Variants in SSH2 observed in about 807,000 individuals in gnomAD.
SSH2 encodes the protein protein phosphatase Slingshot homolog 2.
Under a neutral mutation model 135.2 loss-of-function variants are expected in SSH2, and 37 were observed. That is an observed-to-expected ratio of 0.27 (90% CI 0.21 to 0.36). The LOEUF (loss-of-function observed/expected upper bound fraction) is 0.36, where lower values mean the gene tolerates loss of function less well. Ranked by LOEUF, SSH2 falls within the 10% of genes least tolerant of loss-of-function variation. The pLI is 1.00. For synonymous variants in SSH2, 628 were observed against 646.2 expected (o/e 0.97, Z 0.43); for missense variants, 1,408 against 1,765.3 (o/e 0.80, Z 3.63).
chr17:29,836,251 C>T (rs947799275), intron 2 of SSH2, among the ~76,000 whole-genome samples: 6 of 152,094 alleles, frequency 3.9e-5, no homozygotes, highest in African/African-American at 1.4e-4. Context: ...TATATCACCA[C>T]GTTAGAGAGG....
chr17:29,725,842 C>A (rs887551496), intron 3 of SSH2, among the ~76,000 whole-genome samples: 26 of 152,068 alleles, frequency 1.7e-4, no homozygotes, highest in African/African-American at 5.8e-4. Flanking sequence ...GTGCAGCAAA[C>A]CACCATGGCA....
chr17:29,761,558 A>C (rs1258588180), intron 3 of SSH2: 1 of 434,198 alleles, frequency 2.3e-6, no homozygotes, highest in Non-Finnish European at 3.1e-6. Flanking sequence ...CGGATCCCGC[A>C]GCGCGCGTCA....
intron 3 of SSH2, among the ~76,000 whole-genome samples, chr17:29,725,215 T>C (rs1307113116): frequency 6.6e-6 from 1 of 151,264 alleles, no homozygotes; most frequent in Non-Finnish European, 1.5e-5. Flanking sequence ...GGCATGGTGG[T>C]GCGTGCCTGT....
rs577746741 is a variant in SSH2 at position 29,744,908 on chromosome 17, T to C, written c.189-41846A>G. Among the ~76,000 whole-genome samples the C allele has an allele frequency of 2.5e-4, 37 of 150,892 alleles. No homozygotes were observed. The East Asian group carries it at 6.9e-3, about 28-fold the overall frequency. ...GTGTGTGTGTGTGTGTGTGTTTAAA[T>C]AAACAAACCATAAAGCCACTAGCAG... is the stretch of plus-strand genomic sequence containing the variant. On this transcript the variant is annotated intron_variant, in intron 3 of 15. Coordinates refer to ENST00000540801, the MANE Select transcript of SSH2 (RefSeq NM_001282129.2).
chr17:29,670,153 A>G (rs965184691), intron 9 of SSH2, among the ~76,000 whole-genome samples: 3 of 152,064 alleles, frequency 2.0e-5, no homozygotes, highest in Admixed American at 1.3e-4. Flanking sequence ...AAGTGCTGAG[A>G]TTACAGGCAT....
At chr17:29,742,120 G>A (rs868304561) in intron 3 of SSH2, among the ~76,000 whole-genome samples, 17 of 151,324 alleles carry the variant, frequency 1.1e-4, no homozygotes, top group South Asian at 2.1e-4. Flanking sequence ...ATTTTTAGTA[G>A]AGACAGGGTT....
chr17:29,705,934 G>A (rs867368756), intron 3 of SSH2, among the ~76,000 whole-genome samples: 2 of 152,144 alleles, frequency 1.3e-5, no homozygotes, highest in African/African-American at 4.8e-5. Context: ...GTGTATACCT[G>A]TTGTGGTTAC....
chr17:29,926,218 C>G (rs2067061817), intron 1 of SSH2, among the ~76,000 whole-genome samples: 1 of 151,960 alleles, frequency 6.6e-6, no homozygotes, highest in Non-Finnish European at 1.5e-5. Context: ...TTCTCAAAGC[C>G]CTCTGGCTCA....
At chr17:29,844,144 G>A (rs986159938) in intron 2 of SSH2, among the ~76,000 whole-genome samples, 16 of 151,818 alleles carry the variant, frequency 1.1e-4, no homozygotes, top group African/African-American at 3.4e-4. Context: ...GCTTTTTTCT[G>A]ATTGCACAGA....
chr17:29,815,302 T>G (rs974689710), intron 2 of SSH2, among the ~76,000 whole-genome samples: 2 of 151,996 alleles, frequency 1.3e-5, no homozygotes, highest in Non-Finnish European at 2.9e-5. Context: ...TTTTGTATTT[T>G]TAGCAGAGAT....
At position 29,782,735 on chromosome 17, in the gene SSH2, G is replaced by A. The variant is rs1318383833; in HGVS notation, c.188+11159C>T. 5.3e-5 allele frequency among the ~76,000 whole-genome samples: 8 copies of A among 152,248 alleles called. No individual in the cohort carries two copies. The East Asian group carries it at 1.4e-3, about 26-fold the overall frequency. On this transcript the variant is annotated intron_variant, in intron 3 of 15. Transcript: ENST00000540801. The stretch of plus-strand genomic sequence containing the variant: ...CAAGTAGCTGGGATTACAGGCATGC[G>A]CCACCACGCCTGGCTAATTTTTGTA...
intron 2 of SSH2, among the ~76,000 whole-genome samples, chr17:29,844,847 A>G (rs1430880868): frequency 6.6e-6 from 1 of 152,172 alleles, no homozygotes; most frequent in East Asian, 1.9e-4. Flanking sequence ...CAAGAGATCT[A>G]AGGCAGCCAG....
chr17:29,718,732 C>CAAAAAA (rs752148237), intron 3 of SSH2, among the ~76,000 whole-genome samples: 2 of 77,330 alleles, frequency 2.6e-5, no homozygotes, highest in Non-Finnish European at 2.4e-5. Flanking sequence ...GATTTCACCT[C>CAAAAAA]AAAAAAAAAA....
At chr17:29,823,181 C>G (rs1238153983) in intron 2 of SSH2, among the ~76,000 whole-genome samples, 3 of 152,000 alleles carry the variant, frequency 2.0e-5, no homozygotes, top group African/African-American at 7.2e-5. Flanking sequence ...TTGCTTTAAT[C>G]AGAGATGTCT....
rs148849790 is a variant in SSH2 at position 29,671,960 on chromosome 17, C to T, written c.784G>A (p.Asp262Asn). Residue 262 changes from aspartate (D) to asparagine (N), a missense_variant, in exon 9 of 16, where the codon GAC becomes AAC. By Grantham distance (23) the Asp-to-Asn change is conservative (BLOSUM62 1). Coordinates refer to ENST00000540801, the MANE Select transcript of SSH2 (RefSeq NM_001282129.2). ...ATGTCGGTGAAGAGAGCTGGAGAGTCGGGCCGGTGGGACTGTACATCTTGC... is the reference window on the plus strand; with the variant it reads ...ATGTCGGTGAAGAGAGCTGGAGAGTTGGGCCGGTGGGACTGTACATCTTGC... ...AMQDVQSHRP[D>N]SPALFTDIPT... 1,624 of 1,613,650 alleles carry T rather than the reference C, an allele frequency of 1.0e-3. 23 individuals carry two copies. Among genetic ancestry groups the T allele is most frequent in the Non-Finnish European group, 9.4e-5 (111 of 1,179,738 alleles).
At chr17:29,821,906 G>A (rs1975950) in intron 2 of SSH2, among the ~76,000 whole-genome samples, 146,856 of 152,298 alleles carry the variant, frequency 0.96, 70,834 homozygotes, top group East Asian at 1. Context: ...GGCCTCCCAA[G>A]GTGCTGGGAT....
In SSH2 at chr17:29,848,042, C is replaced by G. The variant is rs1041420303; in HGVS notation, c.144+807G>C. Among the ~76,000 whole-genome samples the G allele has an allele frequency of 2.0e-5, 3 of 152,282 alleles. No homozygotes were observed. In the South Asian group the frequency reaches 6.2e-4, roughly 32 times the overall value. ...GTACTGTTCAATAAAAGATTGCTGT[C>G]TAACACCACAGGTTTGCCCTTGATT... On this transcript the variant is annotated intron_variant, in intron 2 of 15. Transcript: ENST00000540801.
At chr17:29,875,369 T>A (rs2066009331) in intron 1 of SSH2, among the ~76,000 whole-genome samples, 1 of 152,314 alleles carries the variant, frequency 6.6e-6, no homozygotes, top group Non-Finnish European at 1.5e-5. Flanking sequence ...CCCTGTAGGT[T>A]CTATATCCAA....
chr17:29,735,259 C>G (rs1297086906), intron 3 of SSH2, among the ~76,000 whole-genome samples: 1 of 152,178 alleles, frequency 6.6e-6, no homozygotes, highest in African/African-American at 2.4e-5. Context: ...TACTACCCCT[C>G]ACTTTTTAAT....
Sources: gnomAD v4.1 joint callset for allele counts (sites outside exome capture counted in the v4.1 genomes callset) on GRCh38, gnomAD v4.1.1 for gene constraint, MANE v1.5 for transcripts, NCBI Gene and HGNC (gene_info 2026-07-23, HGNC 2026-07-21) for gene names.